Variants in KHDRBS2 observed in about 807,000 individuals in gnomAD.
KHDRBS2 encodes the protein KH domain-containing, RNA-binding, signal transduction-associated protein 2.
In KHDRBS2, 26 loss-of-function variants were observed where a neutral mutation model predicts 44.3. That is an observed-to-expected ratio of 0.59 (90% CI 0.43 to 0.81). The LOEUF (loss-of-function observed/expected upper bound fraction) is 0.81, where lower values mean the gene tolerates loss of function less well. Among genes scored for constraint, KHDRBS2 ranks in the 40% least tolerant of loss-of-function variants. The probability of loss-of-function intolerance (pLI) is 0.00; values close to 1 mark genes in which losing one functional copy is unlikely to be tolerated. For synonymous variants in KHDRBS2, 194 were observed against 151.1 expected (o/e 1.28, Z -2.08); for missense variants, 476 against 433.1 (o/e 1.10, Z -0.88).
intron 6 of KHDRBS2, among the ~76,000 whole-genome samples, chr6:61,783,888 T>C (rs1256179311): frequency 4.6e-5 from 7 of 152,008 alleles, no homozygotes; most frequent in Non-Finnish European, 8.8e-5. Context: ...ATGTGAATGG[T>C]TGTTAAAGAT....
At chr6:61,925,192 T>G (rs1463540977) in intron 4 of KHDRBS2, among the ~76,000 whole-genome samples, 1 of 152,118 alleles carries the variant, frequency 6.6e-6, no homozygotes, top group Admixed American at 6.6e-5. Flanking sequence ...ATGCTCTATT[T>G]CAAGTTATGT....
At chr6:61,961,744 C>T (rs1583814822) in intron 4 of KHDRBS2, among the ~76,000 whole-genome samples, 1 of 151,990 alleles carries the variant, frequency 6.6e-6, no homozygotes, top group Non-Finnish European at 1.5e-5. Context: ...GGGAAGACCA[C>T]GGCACATGAG....
intron 1 of KHDRBS2, among the ~76,000 whole-genome samples, chr6:62,209,994 TGAG>T (rs1488839288): frequency 6.6e-6 from 1 of 152,130 alleles, no homozygotes; most frequent in Non-Finnish European, 1.5e-5. Context: ...GATGGCCTAT[TGAG>T]GTACTTCATC....
chr6:62,162,816 G>C (rs993685271), intron 2 of KHDRBS2, among the ~76,000 whole-genome samples: 2 of 152,040 alleles, frequency 1.3e-5, no homozygotes, highest in African/African-American at 4.8e-5. Flanking sequence ...ATGTGCAGGA[G>C]AAAGAGAGGA....
intron 1 of KHDRBS2, among the ~76,000 whole-genome samples, chr6:62,181,484 C>G (rs991920727): frequency 4.6e-5 from 7 of 151,846 alleles, no homozygotes; most frequent in African/African-American, 1.7e-4. Context: ...CAAATCAAAG[C>G]AACAATGAAT....
chr6:62,072,477 T>C (rs955956144), intron 2 of KHDRBS2, among the ~76,000 whole-genome samples: 1 of 152,204 alleles, frequency 6.6e-6, no homozygotes, highest in Non-Finnish European at 1.5e-5. Context: ...GGCTGTGGGT[T>C]TGTAATAGAT....
intron 6 of KHDRBS2, among the ~76,000 whole-genome samples, chr6:61,878,752 G>T (rs539142761): frequency 2.0e-5 from 3 of 152,050 alleles, no homozygotes; most frequent in Non-Finnish European, 4.4e-5. Flanking sequence ...GGCTATGAGC[G>T]CCACTTTTCG....
intron 2 of KHDRBS2, among the ~76,000 whole-genome samples, chr6:62,080,090 A>G (rs1207286122): frequency 6.6e-6 from 1 of 152,072 alleles, no homozygotes; most frequent in Non-Finnish European, 1.5e-5. Context: ...AAAACGTGAA[A>G]TAAGTGTTTT....
intron 2 of KHDRBS2, among the ~76,000 whole-genome samples, chr6:62,116,501 T>C (rs181960440): frequency 7.8e-4 from 119 of 152,282 alleles, no homozygotes; most frequent in African/African-American, 2.9e-3. Flanking sequence ...CAATTGTACA[T>C]ATTTATGGGG....
chr6:62,090,780 A>T (rs1202492938), intron 2 of KHDRBS2, among the ~76,000 whole-genome samples: 1 of 152,056 alleles, frequency 6.6e-6, no homozygotes, highest in Non-Finnish European at 1.5e-5. Context: ...TTTTCCAATG[A>T]ACTCAATGTT....
At chr6:62,130,524 A>G (rs1810044156) in intron 2 of KHDRBS2, among the ~76,000 whole-genome samples, 1 of 152,116 alleles carries the variant, frequency 6.6e-6, no homozygotes, top group South Asian at 2.1e-4. Context: ...ATTGTTAATG[A>G]GCAATGGTAT....
At chr6:62,146,071 C>A (rs1287734168) in intron 2 of KHDRBS2, among the ~76,000 whole-genome samples, 1 of 151,734 alleles carries the variant, frequency 6.6e-6, no homozygotes, top group Non-Finnish European at 1.5e-5. Flanking sequence ...AATAGTGAGA[C>A]CACTGTCTGT....
Position 62,091,064 on chromosome 6 carries a change from C to T in KHDRBS2, c.220-43070G>A, listed in dbSNP as rs555794022. ...ACTGTTCATTGCAACCTAGCTGTTG[C>T]TCTGCCATCTGGAACAGAGCAAGAA... On this transcript the variant is annotated intron_variant, in intron 2 of 8. Transcript: ENST00000281156. 2.0e-4 allele frequency among the ~76,000 whole-genome samples: 31 copies of T among 152,242 alleles called. No individual in the cohort carries two copies. The South Asian group carries it at 3.7e-3, about 18-fold the overall frequency.
At chr6:61,591,918 G>C in the KHDRBS2 span, among the ~76,000 whole-genome samples, 1 of 152,270 alleles carries the variant, frequency 6.6e-6, no homozygotes, top group African/African-American at 2.4e-5. Flanking sequence ...CAGGTGTGGT[G>C]GCTGACAACT....
intron 3 of KHDRBS2, among the ~76,000 whole-genome samples, chr6:62,034,164 G>A (rs771908696): frequency 6.6e-6 from 1 of 151,626 alleles, no homozygotes; most frequent in Non-Finnish European, 1.5e-5. Context: ...TGAGATCAAA[G>A]CCATAATAAA....
At chr6:61,781,512 A>G (rs973115513) in intron 6 of KHDRBS2, among the ~76,000 whole-genome samples, 1 of 152,184 alleles carries the variant, frequency 6.6e-6, no homozygotes, top group Non-Finnish European at 1.5e-5. Flanking sequence ...ACAAAAAACT[A>G]GCATTTCCCC....
At chr6:61,840,469 C>T (rs1793426676) in intron 6 of KHDRBS2, among the ~76,000 whole-genome samples, 1 of 152,038 alleles carries the variant, frequency 6.6e-6, no homozygotes, top group Admixed American at 6.6e-5. Context: ...AAAACAACAC[C>T]TCCTTAAATA....
the KHDRBS2 span, among the ~76,000 whole-genome samples, chr6:61,655,562 G>A: frequency 8.6e-5 from 13 of 151,954 alleles, no homozygotes; most frequent in African/African-American, 2.4e-4. Context: ...GCCTAAATAC[G>A]TATTTTTAAG....
At chr6:61,886,847 C>A (rs1026905618) in intron 6 of KHDRBS2, among the ~76,000 whole-genome samples, 5 of 152,134 alleles carry the variant, frequency 3.3e-5, no homozygotes, top group African/African-American at 1.2e-4. Context: ...GAGATAGTTT[C>A]TCTTTAACTA....
Sources: allele counts gnomAD v4.1 joint callset (sites outside exome capture counted in the v4.1 genomes callset), GRCh38; gene constraint gnomAD v4.1.1; transcripts MANE v1.5; gene names NCBI Gene and HGNC (gene_info 2026-07-23, HGNC 2026-07-21).